Variants in NAPB observed in about 807,000 individuals in gnomAD.
NAPB encodes the protein NSF attachment protein beta.
NAPB carries 26 observed loss-of-function variants against 44.7 expected under a neutral mutation model. The observed-to-expected ratio is 0.58, with a 90% CI of 0.43 to 0.81. The LOEUF is 0.81. Ranked by LOEUF, NAPB falls within the 30% of genes least tolerant of loss-of-function variation. The pLI is 0.00. For synonymous variants in NAPB, 120 were observed against 116.8 expected (o/e 1.03, Z -0.18); for missense variants, 315 against 356.4 (o/e 0.88, Z 0.94).
In NAPB at chr20:23,383,348, T is replaced by C. The variant is rs147683612; in HGVS notation, c.562-2031A>G. Among the ~76,000 whole-genome samples the C allele has an allele frequency of 1.1e-3, 161 of 152,144 alleles. 1 individual carries two copies. The highest frequency in any genetic ancestry group is 3.6e-3 in the African/African-American group (149 of 41,520). On this transcript the variant is annotated intron_variant, in intron 7 of 10. Coordinates refer to ENST00000377026, the MANE Select transcript of NAPB (RefSeq NM_022080.3). The stretch of plus-strand genomic sequence containing the variant: ...ACTTTTGAAACTAAAAGAAAAAAAT[T>C]ATGAAAGTGTCTAGAGAATAACACC...
Position 23,420,647 on chromosome 20 carries a change from G to A in NAPB, c.98+658C>T, listed in dbSNP as rs368895224. ...TCAGCGTGGCGAAATGCACCAATAC[G>A]ACTCGCTACGCACTGAGAAGGGGGC... On this transcript the variant is annotated intron_variant, in intron 1 of 10. Coordinates refer to ENST00000377026, the MANE Select transcript of NAPB (RefSeq NM_022080.3). Among the ~76,000 whole-genome samples, 19 of 152,152 alleles carry A rather than the reference G, an allele frequency of 1.2e-4. 1 individual carries two copies. The highest frequency in any genetic ancestry group is 9.8e-4 in the Admixed American group (15 of 15,304).
intron 3 of NAPB, among the ~76,000 whole-genome samples, chr20:23,396,070 G>A (rs1984340647): frequency 6.6e-6 from 1 of 152,182 alleles, no homozygotes; most frequent in South Asian, 2.1e-4. Context: ...TCCGTTGTTA[G>A]TACTCAGATG....
intron 1 of NAPB, among the ~76,000 whole-genome samples, chr20:23,410,897 A>G (rs1985607151): frequency 6.6e-6 from 1 of 152,218 alleles, no homozygotes; most frequent in African/African-American, 2.4e-5. Flanking sequence ...ACACAAAAAA[A>G]TAAGATGATG....
chr20:23,405,606 C>G (rs150131410), intron 1 of NAPB, among the ~76,000 whole-genome samples: 121 of 152,174 alleles, frequency 8.0e-4, no homozygotes, highest in African/African-American at 2.6e-3. Context: ...TGCCTGCAGT[C>G]CCAGCTACAC....
At chr20:23,388,664 GTTCTA>G (rs1983710724) in intron 7 of NAPB, among the ~76,000 whole-genome samples, 1 of 152,070 alleles carries the variant, frequency 6.6e-6, no homozygotes, top group Admixed American at 6.6e-5. Context: ...TTAAAATATA[GTTCTA>G]TTCAACAATT....
intron 7 of NAPB, among the ~76,000 whole-genome samples, chr20:23,386,011 G>C (rs942598426): frequency 1.3e-5 from 2 of 151,946 alleles, no homozygotes; most frequent in African/African-American, 2.4e-5. Context: ...GTCAACAATA[G>C]AAAGATTACA....
At chr20:23,418,612 G>T (rs1986165197) in intron 1 of NAPB, among the ~76,000 whole-genome samples, 1 of 152,106 alleles carries the variant, frequency 6.6e-6, no homozygotes, top group Non-Finnish European at 1.5e-5. Context: ...TACATTAATG[G>T]TTAAAGCTCT....
chr20:23,377,328 G>C lies in NAPB; in HGVS notation c.*48C>G, dbSNP rs372949482. On this transcript the variant is annotated 3_prime_UTR_variant, in exon 11 of 11. Transcript: ENST00000377026. ...TCCCATAAAGATCACTTGACCCTAA[G>C]ACAAAACTAAAGAGGAGTTAGCTGC... is the stretch of plus-strand genomic sequence containing the variant. The C allele has an allele frequency of 9.4e-5, 122 of 1,298,196 alleles. No individual in the cohort carries two copies. In the African/African-American group the frequency reaches 1.6e-3, roughly 17 times the overall value. The allele number at this position is 1,298,196 out of a possible 1,614,324, so 80.4% of individuals were successfully genotyped here.
intron 1 of NAPB, among the ~76,000 whole-genome samples, chr20:23,406,789 T>C (rs1447871065): frequency 6.6e-6 from 1 of 152,256 alleles, no homozygotes; most frequent in Non-Finnish European, 1.5e-5. Context: ...TCTTGAACTG[T>C]AATTATAGTT....
At chr20:23,380,999 G>A (rs749655455) in intron 8 of NAPB, 4 of 505,620 alleles carry the variant, frequency 7.9e-6, no homozygotes, top group Non-Finnish European at 1.4e-5. Flanking sequence ...GTTCAGGGTG[G>A]TATGGCTATA....
intron 1 of NAPB, among the ~76,000 whole-genome samples, chr20:23,419,278 AC>A (rs962429215): frequency 2.0e-5 from 3 of 152,206 alleles, no homozygotes; most frequent in African/African-American, 7.2e-5. Context: ...AGATGCATTA[AC>A]TTTTGTGTAA....
At chr20:23,387,398 C>T (rs562078073) in intron 7 of NAPB, among the ~76,000 whole-genome samples, 23 of 152,034 alleles carry the variant, frequency 1.5e-4, no homozygotes, top group African/African-American at 5.3e-4. Flanking sequence ...CCAGGGCAAC[C>T]GAGAAAATGA....
intron 7 of NAPB, among the ~76,000 whole-genome samples, chr20:23,387,985 A>C (rs1439880108): frequency 6.6e-6 from 1 of 152,226 alleles, no homozygotes; most frequent in Non-Finnish European, 1.5e-5. Flanking sequence ...CAATCTACTG[A>C]AAACCTGAAT....
At chr20:23,382,801 C>T (rs1369459239) in intron 7 of NAPB, among the ~76,000 whole-genome samples, 3 of 152,050 alleles carry the variant, frequency 2.0e-5, no homozygotes, top group Admixed American at 6.5e-5. Context: ...ATCAAGGACC[C>T]ATGGGATAAT....
intron 3 of NAPB, 99 bp from the exon 4 acceptor site, chr20:23,395,284 G>A: frequency 7.6e-7 from 1 of 1,311,458 alleles, no homozygotes; most frequent in Non-Finnish European, 1.1e-6. Flanking sequence ...ACGTTAATGA[G>A]GTATAATTTT....
intron 1 of NAPB, among the ~76,000 whole-genome samples, chr20:23,413,127 T>C (rs941005079): frequency 2.0e-5 from 3 of 151,804 alleles, no homozygotes; most frequent in African/African-American, 4.8e-5. Context: ...CAAGATTCCG[T>C]GTCGAAAAAA....
chr20:23,384,011 T>C (rs994136953), intron 7 of NAPB, among the ~76,000 whole-genome samples: 2 of 152,360 alleles, frequency 1.3e-5, no homozygotes, highest in East Asian at 3.9e-4. Flanking sequence ...CAAAGATATA[T>C]ACCATTGATT....
At chr20:23,402,252 A>G (rs543859250) in intron 2 of NAPB, among the ~76,000 whole-genome samples, 2 of 152,284 alleles carry the variant, frequency 1.3e-5, no homozygotes, top group Non-Finnish European at 2.9e-5. Flanking sequence ...GCCAGAGCAC[A>G]ACACCCACGT....
intron 1 of NAPB, among the ~76,000 whole-genome samples, chr20:23,411,550 T>C (rs183258199): frequency 1.4e-4 from 22 of 152,204 alleles, no homozygotes; most frequent in Admixed American, 9.8e-4. Flanking sequence ...ACTGCATATG[T>C]TGTATTGTAG....
Sources: allele counts gnomAD v4.1 joint callset (sites outside exome capture counted in the v4.1 genomes callset), GRCh38; gene constraint gnomAD v4.1.1; transcripts MANE v1.5; gene names NCBI Gene and HGNC (gene_info 2026-07-23, HGNC 2026-07-21).